Variants in PTPRT observed in about 807,000 individuals in gnomAD.
PTPRT encodes the protein protein tyrosine phosphatase receptor type T.
In PTPRT, 56 loss-of-function variants were observed where a neutral mutation model predicts 176.8. The ratio of observed to expected loss-of-function variants is 0.32; its 90% CI spans 0.26 to 0.40. The LOEUF (loss-of-function observed/expected upper bound fraction) is 0.40, where lower values mean the gene tolerates loss of function less well. Among genes scored for constraint, PTPRT ranks in the 10% least tolerant of loss-of-function variants. The probability of loss-of-function intolerance (pLI) is 1.00; values close to 1 mark genes in which losing one functional copy is unlikely to be tolerated. For synonymous variants in PTPRT, 783 were observed against 739.0 expected (o/e 1.06, Z -0.96); for missense variants, 1,540 against 1,908.2 (o/e 0.81, Z 3.60).
chr20:42,728,400 C>G (rs2076410967), intron 6 of PTPRT, among the ~76,000 whole-genome samples: 1 of 152,142 alleles, frequency 6.6e-6, no homozygotes, highest in Admixed American at 6.5e-5. Flanking sequence ...AGCAAAATTA[C>G]ATTATCATCT....
chr20:42,269,187 G>A (rs536636560), intron 13 of PTPRT, among the ~76,000 whole-genome samples: 5 of 152,160 alleles, frequency 3.3e-5, no homozygotes, highest in Non-Finnish European at 7.3e-5. Flanking sequence ...AGAACACTCT[G>A]CAATGAATAA....
chr20:42,704,342 C>T (rs1600637586), intron 6 of PTPRT, among the ~76,000 whole-genome samples: 2 of 151,778 alleles, frequency 1.3e-5, no homozygotes, highest in East Asian at 1.9e-4. Flanking sequence ...CTGTGGTGTA[C>T]ATTCTCCCTC....
intron 16 of PTPRT, among the ~76,000 whole-genome samples, chr20:42,191,893 A>G (rs1387808603): frequency 6.6e-6 from 1 of 152,156 alleles, no homozygotes; most frequent in African/African-American, 2.4e-5. Flanking sequence ...TCATTCATTC[A>G]TTCATATATT....
At chr20:42,224,592 C>G (rs1371691787) in intron 15 of PTPRT, among the ~76,000 whole-genome samples, 1 of 152,174 alleles carries the variant, frequency 6.6e-6, no homozygotes, top group Non-Finnish European at 1.5e-5. Context: ...TATTTGATAG[C>G]CCTGGATTCT....
At chr20:42,189,765 GA>G (rs745548486) in intron 16 of PTPRT, among the ~76,000 whole-genome samples, 1 of 152,198 alleles carries the variant, frequency 6.6e-6, no homozygotes, top group African/African-American at 2.4e-5. Context: ...GTGATCTTGG[GA>G]AAACTCTCTG....
At chr20:42,560,314 G>T (rs768260337) in intron 7 of PTPRT, among the ~76,000 whole-genome samples, 5 of 152,176 alleles carry the variant, frequency 3.3e-5, no homozygotes, top group African/African-American at 9.7e-5. Context: ...TTCTCTCCCT[G>T]CTTTTCCATG....
intron 9 of PTPRT, among the ~76,000 whole-genome samples, chr20:42,417,624 AAT>A (rs2145757756): frequency 6.6e-6 from 1 of 151,398 alleles, no homozygotes; most frequent in East Asian, 1.9e-4. Flanking sequence ...TGGACAAGCT[AAT>A]ATCTGTTTTA....
intron 15 of PTPRT, among the ~76,000 whole-genome samples, chr20:42,199,945 G>C (rs1190017944): frequency 6.6e-6 from 1 of 152,000 alleles, no homozygotes; most frequent in Admixed American, 6.6e-5. Flanking sequence ...GGGAATAAAA[G>C]ACCCTCAGAA....
chr20:42,504,035 C>T (rs1190271915), intron 7 of PTPRT, among the ~76,000 whole-genome samples: 1 of 152,036 alleles, frequency 6.6e-6, no homozygotes, highest in Admixed American at 6.6e-5. Context: ...CCTTTTCAGC[C>T]CTTACCAACA....
chr20:43,030,881 A>T (rs1013617058), intron 1 of PTPRT, among the ~76,000 whole-genome samples: 3 of 152,238 alleles, frequency 2.0e-5, no homozygotes, highest in Non-Finnish European at 4.4e-5. Flanking sequence ...ACCTTAGATC[A>T]GCTTCCCTAA....
chr20:42,637,733 A>G (rs1211797258), intron 7 of PTPRT, among the ~76,000 whole-genome samples: 1 of 152,150 alleles, frequency 6.6e-6, no homozygotes, highest in African/African-American at 2.4e-5. Flanking sequence ...CCCAGTGCAT[A>G]AGAAAGTATC....
chr20:42,064,026 T>G, the PTPRT span: 1 of 151,652 alleles, frequency 6.6e-6, no homozygotes. Flanking sequence ...TTCCCTGTCA[T>G]TTTCTTTTGC....
At chr20:42,281,343 T>C (rs999264928) in intron 13 of PTPRT, among the ~76,000 whole-genome samples, 1 of 152,184 alleles carries the variant, frequency 6.6e-6, no homozygotes, top group African/African-American at 2.4e-5. Flanking sequence ...TGTGAAATCA[T>C]GGTGACTTCT....
At chr20:42,512,857 GTTGTT>G (rs2071983440) in intron 7 of PTPRT, among the ~76,000 whole-genome samples, 2 of 151,806 alleles carry the variant, frequency 1.3e-5, no homozygotes, top group African/African-American at 4.8e-5. Context: ...TTTGTTTTTT[GTTGTT>G]TTGTTTTGTT....
intron 1 of PTPRT, among the ~76,000 whole-genome samples, chr20:43,066,161 T>G (rs1192794005): frequency 2.0e-5 from 3 of 152,152 alleles, no homozygotes; most frequent in Admixed American, 6.5e-5. Context: ...ACTATACACG[T>G]GGCAGGTGCC....
At chr20:42,054,802 T>G in the PTPRT span, among the ~76,000 whole-genome samples, 4 of 152,118 alleles carry the variant, frequency 2.6e-5, no homozygotes, top group African/African-American at 9.7e-5. Context: ...ATAGGTGCCC[T>G]CTAAGGCAGT....
chr20:42,088,266 C>T (rs150376282), intron 27 of PTPRT, among the ~76,000 whole-genome samples: 1 of 152,278 alleles, frequency 6.6e-6, no homozygotes, highest in African/African-American at 2.4e-5. Flanking sequence ...GGGATTGAGT[C>T]TCTCCTCAGC....
chr20:43,120,146 T>C (rs963780119), intron 1 of PTPRT, among the ~76,000 whole-genome samples: 4 of 152,162 alleles, frequency 2.6e-5, no homozygotes, highest in Admixed American at 6.5e-5. Context: ...AACCACACTT[T>C]CAACACCCAC....
At chr20:43,149,918 A>G (rs927347695) in intron 1 of PTPRT, among the ~76,000 whole-genome samples, 24 of 152,202 alleles carry the variant, frequency 1.6e-4, no homozygotes, top group Non-Finnish European at 3.4e-4. Flanking sequence ...GGGTCCAGGG[A>G]AGAAACGTGT....
Sources: allele counts gnomAD v4.1 joint callset (sites outside exome capture counted in the v4.1 genomes callset), GRCh38; gene constraint gnomAD v4.1.1; transcripts MANE v1.5; gene names NCBI Gene and HGNC (gene_info 2026-07-23, HGNC 2026-07-21).